The following CALD1 variants were observed in gnomAD, a reference collection of about 807,000 sequenced individuals.
CALD1 encodes the protein caldesmon.
CALD1 carries 33 observed loss-of-function variants against 99.9 expected under a neutral mutation model. The observed-to-expected ratio is 0.33, with a 90% CI of 0.25 to 0.44. The LOEUF is 0.44. CALD1 is among the 20% of genes least tolerant of loss of function. CALD1 has a pLI of 1.00. For missense variants in CALD1, 861 were observed against 962.1 expected, an observed-to-expected ratio of 0.89 and a Z score of 1.39; for synonymous variants, 310 against 325.0, an observed-to-expected ratio of 0.95 and a Z score of 0.50.
chr7:134,733,031 T>C, the CALD1 span, among the ~76,000 whole-genome samples: 3 of 152,340 alleles, frequency 2.0e-5, no homozygotes, highest in East Asian at 5.8e-4. Flanking sequence ...AATTACCTGT[T>C]ACACATCTCA....
rs373450874 is a variant in CALD1, at chr7:134,808,588, G to C, written c.-130+28839G>C. Reference sequence around the variant, plus strand: ...CTAGATCTATGGCACGCCTCTGAATGCTGGGTTTGTCAGATTTCTTAATCC... The same window carrying C: ...CTAGATCTATGGCACGCCTCTGAATCCTGGGTTTGTCAGATTTCTTAATCC... On this transcript the variant is annotated intron_variant, in intron 1 of 14. Coordinates refer to ENST00000361675, the MANE Select transcript of CALD1 (RefSeq NM_033138.4). Among the ~76,000 whole-genome samples the C allele has an allele frequency of 2.8e-3, 426 of 152,312 alleles. 3 individuals carry two copies. The highest frequency in any genetic ancestry group is 9.7e-3 in the African/African-American group (404 of 41,572).
At chr7:134,897,662 C>A (rs1228548671) in intron 3 of CALD1, among the ~76,000 whole-genome samples, 1 of 151,850 alleles carries the variant, frequency 6.6e-6, no homozygotes, top group Non-Finnish European at 1.5e-5. Flanking sequence ...CTACAAGGGT[C>A]AGCATGGAGG....
the CALD1 span, among the ~76,000 whole-genome samples, chr7:134,722,965 T>C: frequency 6.6e-6 from 1 of 152,170 alleles, no homozygotes; most frequent in Admixed American, 6.5e-5. Flanking sequence ...GAATGAGAGC[T>C]ATCAGGATGA....
At chr7:134,822,601 A>T (rs868336843) in intron 1 of CALD1, among the ~76,000 whole-genome samples, 1 of 152,322 alleles carries the variant, frequency 6.6e-6, no homozygotes, top group African/African-American at 2.4e-5. Flanking sequence ...TCTCAAACAT[A>T]TTCTGTAGTT....
At chr7:134,813,632 A>C (rs1030754242) in intron 1 of CALD1, among the ~76,000 whole-genome samples, 1 of 152,212 alleles carries the variant, frequency 6.6e-6, no homozygotes, top group African/African-American at 2.4e-5. Context: ...CAGTTCAATA[A>C]GGAAGCAAAT....
At chr7:134,964,989 G>A (rs796772969) in intron 13 of CALD1, among the ~76,000 whole-genome samples, 17 of 152,186 alleles carry the variant, frequency 1.1e-4, no homozygotes, top group African/African-American at 2.9e-4. Context: ...GGTGGCACAC[G>A]CCTGTAATCC....
At chr7:134,815,575 A>G (rs993293845) in intron 1 of CALD1, among the ~76,000 whole-genome samples, 20 of 152,188 alleles carry the variant, frequency 1.3e-4, no homozygotes, top group African/African-American at 4.8e-4. Flanking sequence ...CTGAAGTCTC[A>G]CTGTTTAGAG....
chr7:134,739,776 G>A (rs1457094280), upstream of CALD1, among the ~76,000 whole-genome samples: 20 of 152,016 alleles, frequency 1.3e-4, no homozygotes, highest in African/African-American at 1.9e-4. Context: ...ATAAGCTTCC[G>A]TTGTCTTAAG....
intron 8 of CALD1, chr7:134,948,040 C>T (rs1440127319): frequency 8.9e-6 from 3 of 336,228 alleles, no homozygotes; most frequent in African/African-American, 6.2e-5. Flanking sequence ...TGTAACTTTC[C>T]CAAGGTCTCC....
chr7:134,940,559 T>C (rs926867501), intron 6 of CALD1, among the ~76,000 whole-genome samples: 3 of 152,202 alleles, frequency 2.0e-5, no homozygotes, highest in Non-Finnish European at 2.9e-5. Flanking sequence ...GTCCCATCCT[T>C]GGGACATAAT....
chr7:134,824,829 C>T (rs144928621), intron 1 of CALD1, among the ~76,000 whole-genome samples: 2 of 152,166 alleles, frequency 1.3e-5, no homozygotes, highest in African/African-American at 4.8e-5. Context: ...ATATTTGACA[C>T]CCATTATATT....
chr7:134,779,744 T>C lies in CALD1; in HGVS notation c.-135T>C, dbSNP rs1479601410. The C allele has an allele frequency of 1.8e-5, 7 of 398,610 alleles. No individual in the cohort carries two copies. In the East Asian group the frequency reaches 2.5e-4, roughly 14 times the overall value. 24.7% of individuals were successfully genotyped at this position (398,610 alleles called of 1,614,324 possible). A position where few individuals can be genotyped will look rare whatever the true frequency, so the allele number is the denominator to read the frequency against. On this transcript the variant is annotated 5_prime_UTR_variant, in exon 1 of 15. Transcript: ENST00000361675. ...TAGTCCTCGGGAAGAAGTTTCAGAC[T>C]ACAAGGTAAGGCACAGAAGGCTTTC... is the stretch of plus-strand genomic sequence containing the variant.
At chr7:134,852,333 G>C (rs1800116855) in intron 2 of CALD1, among the ~76,000 whole-genome samples, 1 of 144,294 alleles carries the variant, frequency 6.9e-6, no homozygotes, top group African/African-American at 2.5e-5. Flanking sequence ...GGATTCAGGA[G>C]TTTGGCTTGG....
the CALD1 span, among the ~76,000 whole-genome samples, chr7:134,729,689 G>C: frequency 1.3e-5 from 2 of 152,348 alleles, no homozygotes; most frequent in South Asian, 4.1e-4. Context: ...GCCTTCTGAA[G>C]AAGTCACCAA....
intron 1 of CALD1, among the ~76,000 whole-genome samples, chr7:134,826,469 A>G (rs1339643673): frequency 6.6e-6 from 1 of 152,148 alleles, no homozygotes; most frequent in African/African-American, 2.4e-5. Flanking sequence ...GAGCTTTTCT[A>G]GTCCATTCTT....
intron 1 of CALD1, among the ~76,000 whole-genome samples, chr7:134,825,818 T>C (rs1055592922): frequency 3.3e-5 from 5 of 152,142 alleles, no homozygotes; most frequent in African/African-American, 7.2e-5. Context: ...CTCAGGGCAT[T>C]GCAACTGAGG....
At chr7:134,837,481 C>T (rs12674387) in intron 1 of CALD1, among the ~76,000 whole-genome samples, 71,489 of 151,864 alleles carry the variant, frequency 0.47, 19,117 homozygotes, top group African/African-American at 0.73. Context: ...TAGCTGGCAT[C>T]ACAGGCGCAC....
intron 1 of CALD1, among the ~76,000 whole-genome samples, chr7:134,757,541 A>T (rs1796740113): frequency 6.6e-6 from 1 of 152,166 alleles, no homozygotes; most frequent in African/African-American, 2.4e-5. Context: ...AGTTCTTATC[A>T]GGGTTTGTCT....
chr7:134,728,494 C>T, the CALD1 span, among the ~76,000 whole-genome samples: 1 of 152,192 alleles, frequency 6.6e-6, no homozygotes, highest in Admixed American at 6.5e-5. Flanking sequence ...CAAGTGTAGG[C>T]TACAGTCTGT....
Sources: allele counts gnomAD v4.1 joint callset (sites outside exome capture counted in the v4.1 genomes callset), GRCh38; gene constraint gnomAD v4.1.1; transcripts MANE v1.5; gene names NCBI Gene and HGNC (gene_info 2026-07-23, HGNC 2026-07-21).